ZNF280B: variants seen among roughly 807,000 people sequenced by gnomAD.
ZNF280B encodes the protein zinc finger protein 280B.
Under a neutral mutation model 38.0 loss-of-function variants are expected in ZNF280B, and 16 were observed. The observed-to-expected ratio is 0.42, with a 90% CI of 0.28 to 0.64. The LOEUF is 0.64. Ranked by LOEUF, ZNF280B falls within the 30% of genes least tolerant of loss-of-function variation. ZNF280B has a pLI of 0.21. For synonymous variants in ZNF280B, 253 were observed against 230.6 expected (o/e 1.10, Z -0.88); for missense variants, 581 against 639.6 (o/e 0.91, Z 0.99).
intron 3 of ZNF280B, among the ~76,000 whole-genome samples, chr22:22,493,393 A>G (rs937407241): frequency 3.3e-5 from 5 of 152,016 alleles, no homozygotes; most frequent in Non-Finnish European, 2.9e-5. Flanking sequence ...TAGCACTAAG[A>G]TGCCTAATTC....
chr22:22,492,877 C>T (rs1209193955), intron 3 of ZNF280B, among the ~76,000 whole-genome samples: 1 of 143,786 alleles, frequency 7.0e-6, no homozygotes, highest in Non-Finnish European at 1.5e-5. Flanking sequence ...CAGTGCGAGA[C>T]TGCATCTCAA....
Position 22,498,839 on chromosome 22 carries a change from C to T in ZNF280B, c.-186-4659G>A, listed in dbSNP as rs540916309. ...TGGAGACGGGGTCTCGCTCTGTCGC[C>T]CAGGCTGGAGTGCAGTGGCGTGATC... On this transcript the variant is annotated intron_variant, in intron 2 of 3. Coordinates refer to ENST00000626650, the MANE Select transcript of ZNF280B (RefSeq NM_080764.4). Among the ~76,000 whole-genome samples, 20 of 132,186 alleles carry T rather than the reference C, an allele frequency of 1.5e-4. No homozygotes were observed. The East Asian group carries it at 4.7e-3, about 31-fold the overall frequency. The allele number at this position is 132,186 out of a possible 152,430, so 86.7% of individuals were successfully genotyped here. A position where few individuals can be genotyped will look rare whatever the true frequency, so the allele number is the denominator to read the frequency against.
chr22:22,485,135 T>C lies in ZNF280B; in HGVS notation c.*2632A>G, dbSNP rs925994480. 3 of 151,094 alleles carry C rather than the reference T, an allele frequency of 2.0e-5. No homozygotes were observed. Among genetic ancestry groups the C allele is most frequent in the African/African-American group, 7.3e-5 (3 of 41,068 alleles). 9.4% of individuals were successfully genotyped at this position (151,094 alleles called of 1,614,324 possible). ...GAGAATGAAAAAGAGAGGAAGGAGG[T>C]AGGCAGGGGCCAGATCACTGGAATC... On this transcript the variant is annotated 3_prime_UTR_variant, in exon 4 of 4. Coordinates refer to ENST00000626650, the MANE Select transcript of ZNF280B (RefSeq NM_080764.4).
intron 2 of ZNF280B, among the ~76,000 whole-genome samples, chr22:22,494,631 C>A (rs545320214): frequency 6.6e-6 from 1 of 151,944 alleles, no homozygotes; most frequent in South Asian, 2.1e-4. Flanking sequence ...ATGGGAGAAG[C>A]CAATAGGAGG....
At position 22,491,450 on chromosome 22, in the gene ZNF280B, C is replaced by CT. The variant is rs55862603; in HGVS notation, c.-68-1985dup. Reference sequence around the variant, plus strand: ...AAATTTTCTATTTCATTTTTCTTGTCTTTTTTCTTTTTTTTTTTTTTTTTT... The same window carrying CT: ...AAATTTTCTATTTCATTTTTCTTGTCTTTTTTTCTTTTTTTTTTTTTTTTTT... On this transcript the variant is annotated intron_variant, in intron 3 of 3. Transcript: ENST00000626650. Among the ~76,000 whole-genome samples the CT allele has an allele frequency of 1.2e-4, 16 of 136,918 alleles. No individual in the cohort carries two copies. The South Asian group carries it at 3.7e-3, about 31-fold the overall frequency. 89.8% of individuals were successfully genotyped at this position (136,918 alleles called of 152,430 possible). A position where few individuals can be genotyped will look rare whatever the true frequency, so the allele number is the denominator to read the frequency against.
At chr22:22,501,266 A>T (rs2061819051) in intron 2 of ZNF280B, among the ~76,000 whole-genome samples, 1 of 151,868 alleles carries the variant, frequency 6.6e-6, no homozygotes, top group South Asian at 2.1e-4. Flanking sequence ...AAAACAATTC[A>T]TTTTAAAAAC....
intron 2 of ZNF280B, among the ~76,000 whole-genome samples, chr22:22,497,318 G>A (rs1212574933): frequency 1.3e-4 from 19 of 147,740 alleles, no homozygotes; most frequent in African/African-American, 4.7e-4. Flanking sequence ...ATAACCTGAG[G>A]TCAGGAGTTC....
At chr22:22,505,806 A>C (rs5758528) in intron 2 of ZNF280B, among the ~76,000 whole-genome samples, 22,501 of 151,618 alleles carry the variant, frequency 0.15, 1,952 homozygotes, top group South Asian at 0.29. Context: ...AATTCTTCAG[A>C]TTTTACCCTG....
Position 22,496,106 on chromosome 22 carries a change from T to C in ZNF280B, c.-186-1926A>G, listed in dbSNP as rs1319924725. Among the ~76,000 whole-genome samples, 12 of 73,792 alleles carry C rather than the reference T, an allele frequency of 1.6e-4. No individual in the cohort carries two copies. In the South Asian group the frequency reaches 7.1e-3, roughly 43 times the overall value. The allele number at this position is 73,792 out of a possible 152,430, so 48.4% of individuals were successfully genotyped here. A position where few individuals can be genotyped will look rare whatever the true frequency, so the allele number is the denominator to read the frequency against. The stretch of plus-strand genomic sequence containing the variant: ...CAGGCGTGAGCCACTGCGCCTGGCC[T>C]TTTTTTTTTTTTTTTTTTTTAAGAT... On this transcript the variant is annotated intron_variant, in intron 2 of 3. Transcript: ENST00000626650.
chr22:22,491,736 G>A (rs970110523), intron 3 of ZNF280B, among the ~76,000 whole-genome samples: 2 of 151,878 alleles, frequency 1.3e-5, no homozygotes, highest in Non-Finnish European at 2.9e-5. Context: ...GGGATTACAA[G>A]CATGAGCCAT....
At position 22,489,386 on chromosome 22, in the gene ZNF280B, A is replaced by C; in HGVS notation, c.13T>G (p.Cys5Gly). The C allele has an allele frequency of 6.3e-7, 1 of 1,587,490 alleles. No homozygotes were observed. Among genetic ancestry groups the C allele is most frequent in the Non-Finnish European group, 8.5e-7 (1 of 1,170,636 alleles). Reference protein sequence around the residue: MEQSCEEEKEPEPQK... With the variant: MEQSGEEEKEPEPQK... ...GGTTCAGGCTCTTTCTCTTCCTCAC[A>C]TGATTGTTCCATTTTCTAATTTTTT... is the stretch of plus-strand genomic sequence containing the variant. Residue 5 changes from cysteine (C) to glycine (G), a missense_variant, in exon 4 of 4, where the codon TGT becomes GGT. Coordinates refer to ENST00000626650, the MANE Select transcript of ZNF280B (RefSeq NM_080764.4).
intron 2 of ZNF280B, among the ~76,000 whole-genome samples, chr22:22,497,211 A>C (rs1429898642): frequency 2.9e-3 from 54 of 18,918 alleles, no homozygotes; most frequent in African/African-American, 0.018. Context: ...CCATCTTTAA[A>C]AAAAAAAAAA....
chr22:22,490,099 G>A (rs2061563594), intron 3 of ZNF280B, among the ~76,000 whole-genome samples: 1 of 151,858 alleles, frequency 6.6e-6, no homozygotes, highest in African/African-American at 2.4e-5. Context: ...AAACAGCATA[G>A]CACAATGTCA....
intron 2 of ZNF280B, among the ~76,000 whole-genome samples, chr22:22,504,852 A>C (rs2061902412): frequency 6.6e-6 from 1 of 151,990 alleles, no homozygotes. Flanking sequence ...AGACGAATTT[A>C]AGAAGACCAC....
At chr22:22,492,184 CTTAAT>C (rs1555938341) in intron 3 of ZNF280B, among the ~76,000 whole-genome samples, 38 of 151,854 alleles carry the variant, frequency 2.5e-4, no homozygotes, top group Non-Finnish European at 3.5e-4. Context: ...TGATTTACAA[CTTAAT>C]CAGTAGATAT....
intron 2 of ZNF280B, among the ~76,000 whole-genome samples, chr22:22,500,128 A>C (rs1356984554): frequency 6.6e-6 from 1 of 151,982 alleles, no homozygotes; most frequent in Non-Finnish European, 1.5e-5. Flanking sequence ...CCTCATGCAC[A>C]GTCACTGGAT....
In ZNF280B at chr22:22,488,416, T is replaced by A; in HGVS notation, c.983A>T (p.His328Leu). ...NVKFMNHVKHHLEFEKQRNDS... is the reference protein window; with the variant it reads ...NVKFMNHVKHLLEFEKQRNDS... ...GTTCCTCTGCTTCTCAAATTCCAAA[T>A]GATGCTTCACGTGATTCATAAACTT... The change falls in exon 4 of 4, where the codon CAT becomes CTT. Residue 328 changes from histidine to leucine, a missense_variant. Transcript: ENST00000626650. The A allele has an allele frequency of 6.2e-7, 1 of 1,613,908 alleles. No homozygotes were observed. The highest frequency in any genetic ancestry group is 8.5e-7 in the Non-Finnish European group (1 of 1,179,988).
At position 22,487,655 on chromosome 22, in the gene ZNF280B, A is replaced by T; in HGVS notation, c.*112T>A. 1 of 808,876 alleles carries T rather than the reference A, an allele frequency of 1.2e-6. No homozygotes were observed. The highest frequency in any genetic ancestry group is 1.9e-6 in the Non-Finnish European group (1 of 520,268). The allele number at this position is 808,876 out of a possible 1,614,324, so 50.1% of individuals were successfully genotyped here. ...TTGTTTAAAAAGTCATATATAATCC[A>T]CTAGTTTCACTATTTTTGGTGCTAC... On this transcript the variant is annotated 3_prime_UTR_variant, in exon 4 of 4. Transcript: ENST00000626650.
intron 3 of ZNF280B, among the ~76,000 whole-genome samples, chr22:22,491,801 C>G (rs1485588568): frequency 6.6e-6 from 1 of 151,758 alleles, no homozygotes; most frequent in Admixed American, 6.6e-5. Flanking sequence ...AACCACAGAC[C>G]CACAAAATCA....
Sources: allele counts gnomAD v4.1 joint callset (sites outside exome capture counted in the v4.1 genomes callset), GRCh38; gene constraint gnomAD v4.1.1; transcripts MANE v1.5; gene names NCBI Gene and HGNC (gene_info 2026-07-23, HGNC 2026-07-21).